The following ABCA1 variants were observed in gnomAD, a reference collection of about 807,000 sequenced individuals.
ABCA1 encodes the protein ATP binding cassette subfamily A member 1.
ABCA1 carries 133 observed loss-of-function variants against 262.5 expected under a neutral mutation model. The ratio of observed to expected loss-of-function variants is 0.51; its 90% CI spans 0.44 to 0.59. The LOEUF (loss-of-function observed/expected upper bound fraction) is 0.59. Among genes scored for constraint, ABCA1 ranks in the 20% least tolerant of loss-of-function variants. The probability of loss-of-function intolerance (pLI) is 0.00; values close to 1 mark genes in which losing one functional copy is unlikely to be tolerated. For synonymous variants in ABCA1, 1,022 were observed against 1,043.5 expected (o/e 0.98, Z 0.40); for missense variants, 2,452 against 2,777.5 (o/e 0.88, Z 2.63).
intron 1 of ABCA1, 110 bp from the exon 2 acceptor site, chr9:104,903,881 C>T: frequency 1.6e-6 from 1 of 619,544 alleles, no homozygotes; most frequent in Non-Finnish European, 2.9e-6. Flanking sequence ...ACACACAGCT[C>T]TGCATCATGA....
At chr9:104,812,184 G>A (rs974270092) in intron 28 of ABCA1, among the ~76,000 whole-genome samples, 13 of 152,140 alleles carry the variant, frequency 8.5e-5, no homozygotes, top group African/African-American at 3.1e-4. Context: ...CAACTCTCAT[G>A]TTATGACAGC....
chr9:104,799,919 G>A lies in ABCA1; in HGVS notation c.4843C>T (p.Arg1615Trp), dbSNP rs770818503. Reference sequence around the variant, plus strand: ...TTCTCTCCCTTTTGCAGGTTGGCCCGGAGAATGGCATTGTTGATGACATTC... The same window carrying A: ...TTCTCTCCCTTTTGCAGGTTGGCCCAGAGAATGGCATTGTTGATGACATTC... ...FLNVINNAIL[R>W]ANLQKGENPS... The change falls in exon 36 of 50, where the codon CGG becomes TGG. Residue 1615 changes from arginine to tryptophan, a missense_variant. This residue lies in a region of ABCA1 where 752 missense variants were observed against 944.5 expected (regional missense o/e 0.80). Coordinates refer to ENST00000374736, the MANE Select transcript of ABCA1 (RefSeq NM_005502.4). 5.6e-6 allele frequency: 9 copies of A among 1,613,970 alleles called. No homozygotes were observed. Among genetic ancestry groups the A allele is most frequent in the Non-Finnish European group, 7.6e-6 (9 of 1,180,040 alleles).
intron 30 of ABCA1, among the ~76,000 whole-genome samples, chr9:104,808,978 A>G (rs919362344): frequency 6.6e-6 from 1 of 152,246 alleles, no homozygotes; most frequent in Non-Finnish European, 1.5e-5. Flanking sequence ...ACTTTTTAAA[A>G]GGGGGTTTTG....
intron 7 of ABCA1, among the ~76,000 whole-genome samples, chr9:104,849,108 C>A (rs1835153438): frequency 6.6e-6 from 1 of 152,206 alleles, no homozygotes; most frequent in Non-Finnish European, 1.5e-5. Flanking sequence ...GTTTTTCCAA[C>A]ATCTTTAGGA....
chr9:104,817,634 G>C lies in ABCA1; in HGVS notation c.3463-230C>G, dbSNP rs1482007228. On this transcript the variant is annotated intron_variant, in intron 23 of 49. Coordinates refer to ENST00000374736, the MANE Select transcript of ABCA1 (RefSeq NM_005502.4). This position sits in a 1 kb window ranked among gnomAD's most constrained non-coding sequence, Gnocchi z 4.7. ...GGGTGAAAGGTCAGGAAGCAGAGCT[G>C]CCAAAAGAACTGTGGCCTGCCAATG... Among the ~76,000 whole-genome samples the C allele has an allele frequency of 6.6e-6, 1 of 152,238 alleles. No individual in the cohort carries two copies. The highest frequency in any genetic ancestry group is 1.5e-5 in the Non-Finnish European group (1 of 68,034).
intron 1 of ABCA1, among the ~76,000 whole-genome samples, chr9:104,909,923 G>C (rs754907692): frequency 1.3e-5 from 2 of 152,166 alleles, no homozygotes; most frequent in Non-Finnish European, 2.9e-5. Context: ...CTCTTCTACA[G>C]CACTAAATCT....
intron 9 of ABCA1, among the ~76,000 whole-genome samples, chr9:104,838,604 G>A (rs1351287475): frequency 1.4e-5 from 2 of 145,698 alleles, no homozygotes; most frequent in East Asian, 2.0e-4. Flanking sequence ...GCAACGGAGC[G>A]AGACTCCCTC....
intron 5 of ABCA1, among the ~76,000 whole-genome samples, chr9:104,866,252 G>C (rs77094014): frequency 0.012 from 1,821 of 152,222 alleles, 23 homozygotes; most frequent in Middle Eastern, 0.041. Context: ...AAAAAAGGAG[G>C]GGGTGAGGAC....
At position 104,858,471 on chromosome 9, in the gene ABCA1, A is replaced by G. The variant is rs1416768059; in HGVS notation, c.720+51T>C. 5.7e-6 allele frequency: 9 copies of G among 1,580,260 alleles called. No individual in the cohort carries two copies. The East Asian group carries it at 2.0e-4, about 35-fold the overall frequency. ...CATGCTGTCCAAGGAAAAGCCTCAC[A>G]TTCCGAAAGCATTAGTGCTTGAAGT... On this transcript the variant is annotated intron_variant, in intron 7 of 49. Transcript: ENST00000374736.
chr9:104,831,053 G>A lies in ABCA1; in HGVS notation c.1764C>T (p.Tyr588=), dbSNP rs769424041. The change falls in exon 14 of 50, where the codon TAC becomes TAT. Residue 588 remains tyrosine, a synonymous_variant. Coordinates refer to ENST00000374736, the MANE Select transcript of ABCA1 (RefSeq NM_005502.4). The part of the protein sequence containing the change: ...PRADPFEDMR[Y]VWGGFAYLQD... ...GCAAGTAGGCGAAGCCCCCCCAGACGTACCGCATGTCCTCAAAGGGGTCAG... is the reference window on the plus strand; with the variant it reads ...GCAAGTAGGCGAAGCCCCCCCAGACATACCGCATGTCCTCAAAGGGGTCAG... The A allele has an allele frequency of 2.1e-5, 34 of 1,611,594 alleles. No homozygotes were observed. The highest frequency in any genetic ancestry group is 6.6e-5 in the South Asian group (6 of 91,002).
At chr9:104,838,515 G>GC (rs1452100806) in intron 9 of ABCA1, among the ~76,000 whole-genome samples, 1 of 151,282 alleles carries the variant, frequency 6.6e-6, no homozygotes, top group Non-Finnish European at 1.5e-5. Context: ...TACTCAGGAG[G>GC]CTGAGGCAGG....
At chr9:104,862,237 G>A (rs964886442) in intron 5 of ABCA1, among the ~76,000 whole-genome samples, 1 of 151,840 alleles carries the variant, frequency 6.6e-6, no homozygotes, top group South Asian at 2.1e-4. Context: ...CCGAGTAGCT[G>A]GGATTACAGG....
At chr9:104,803,992 C>T (rs1232087898) in intron 32 of ABCA1, among the ~76,000 whole-genome samples, 1 of 152,178 alleles carries the variant, frequency 6.6e-6, no homozygotes, top group African/African-American at 2.4e-5. Context: ...CTCATGGTCA[C>T]TATCACTCCA....
chr9:104,882,831 G>C (rs551594406), intron 5 of ABCA1, among the ~76,000 whole-genome samples: 5 of 152,316 alleles, frequency 3.3e-5, no homozygotes, highest in South Asian at 4.1e-4. Context: ...TCCCAGAGAA[G>C]ATTAGTACAT....
intron 1 of ABCA1, among the ~76,000 whole-genome samples, chr9:104,926,470 C>CAAA (rs781060719): frequency 2.5e-5 from 3 of 118,772 alleles, no homozygotes; most frequent in South Asian, 2.6e-4. Flanking sequence ...ACCAAAAAAA[C>CAAA]AAAAAAAAAA....
At chr9:104,919,455 T>C (rs1246807411) in intron 1 of ABCA1, among the ~76,000 whole-genome samples, 2 of 151,984 alleles carry the variant, frequency 1.3e-5, no homozygotes, top group Non-Finnish European at 2.9e-5. Context: ...ATTAAAAAAA[T>C]ACAAAAATTA....
intron 17 of ABCA1, 77 bp downstream of exon 17, chr9:104,825,606 A>C: frequency 2.1e-6 from 3 of 1,437,732 alleles, no homozygotes; most frequent in Non-Finnish European, 2.9e-6. Context: ...AAGCCCATGC[A>C]CTGCAGAGAT....
chr9:104,792,753 G>A, intron 42 of ABCA1, 33 bp downstream of exon 42: 1 of 1,613,816 alleles, frequency 6.2e-7, no homozygotes, highest in Non-Finnish European at 8.5e-7. Flanking sequence ...GAAAAAAACT[G>A]AAGATGAGCT....
intron 1 of ABCA1, among the ~76,000 whole-genome samples, chr9:104,915,766 T>C (rs940740293): frequency 1.3e-5 from 2 of 152,218 alleles, no homozygotes; most frequent in African/African-American, 4.8e-5. Context: ...AGCCTCCTTC[T>C]GTCAACTGTA....
Sources: allele counts gnomAD v4.1 joint callset (sites outside exome capture counted in the v4.1 genomes callset), GRCh38; gene constraint gnomAD v4.1.1; regional missense constraint gnomAD v4.1.1; non-coding constraint Gnocchi (gnomAD v3.1); transcripts MANE v1.5; gene names NCBI Gene and HGNC (gene_info 2026-07-23, HGNC 2026-07-21).